Variants in THRB observed in about 807,000 individuals in gnomAD.
THRB encodes nuclear receptor subfamily 1 group A member 2.
THRB carries 12 observed loss-of-function variants against 47.8 expected under a neutral mutation model. The ratio of observed to expected loss-of-function variants is 0.25; its 90% CI spans 0.16 to 0.41. The LOEUF (loss-of-function observed/expected upper bound fraction) is 0.41, where lower values mean the gene tolerates loss of function less well. Among genes scored for constraint, THRB ranks in the 10% least tolerant of loss-of-function variants. THRB has a pLI of 1.00. For missense variants in THRB, 348 were observed against 589.2 expected, an observed-to-expected ratio of 0.59 and a Z score of 4.24; for synonymous variants, 218 against 212.2, an observed-to-expected ratio of 1.03 and a Z score of -0.24.
At chr3:24,356,662 C>T (rs2063694279) in intron 1 of THRB, among the ~76,000 whole-genome samples, 1 of 151,822 alleles carries the variant, frequency 6.6e-6, no homozygotes, top group Non-Finnish European at 1.5e-5. Flanking sequence ...TTACTCAGTT[C>T]CAAAGCCACT....
chr3:24,325,904 A>G (rs1342317716), intron 2 of THRB, among the ~76,000 whole-genome samples: 1 of 152,236 alleles, frequency 6.6e-6, no homozygotes, highest in Non-Finnish European at 1.5e-5. Flanking sequence ...AACAACAACA[A>G]GAGAACAAAA....
chr3:24,377,844 G>C (rs2065406555), intron 1 of THRB, among the ~76,000 whole-genome samples: 1 of 152,044 alleles, frequency 6.6e-6, no homozygotes, highest in Admixed American at 6.6e-5. Context: ...AATTCCATGA[G>C]TCTATGAAAT....
At chr3:24,406,310 C>A (rs948768813) in intron 1 of THRB, among the ~76,000 whole-genome samples, 6 of 151,378 alleles carry the variant, frequency 4.0e-5, no homozygotes, top group African/African-American at 1.5e-4. Flanking sequence ...AACTAATTAA[C>A]CTTCTATGTT....
At chr3:24,393,932 T>C (rs2066764145) in intron 1 of THRB, among the ~76,000 whole-genome samples, 1 of 152,160 alleles carries the variant, frequency 6.6e-6, no homozygotes, top group South Asian at 2.1e-4. Flanking sequence ...CCATATCTCC[T>C]TTGGTATTGA....
chr3:24,311,437 C>T (rs945672792), intron 2 of THRB, among the ~76,000 whole-genome samples: 1 of 152,200 alleles, frequency 6.6e-6, no homozygotes, highest in Non-Finnish European at 1.5e-5. Flanking sequence ...CTTTCATAGA[C>T]TCTTCCAACC....
At chr3:24,359,632 AC>A (rs201884951) in intron 1 of THRB, among the ~76,000 whole-genome samples, 2,022 of 152,214 alleles carry the variant, frequency 0.013, 20 homozygotes, top group South Asian at 0.033. Context: ...ACAACTCTAG[AC>A]TTTTCTACAA....
In THRB at chr3:24,194,846, A is replaced by G. The variant is rs145582930; in HGVS notation, c.23-4512T>C. On this transcript the variant is annotated intron_variant, in intron 4 of 10. Transcript: ENST00000646209. ...CGAGCTGATACCTTAGAAAAGAGCTAAAGCAAAGGAAATAGGATTATGACA... is the reference window on the plus strand; with the variant it reads ...CGAGCTGATACCTTAGAAAAGAGCTGAAGCAAAGGAAATAGGATTATGACA... Among the ~76,000 whole-genome samples the G allele has an allele frequency of 5.3e-5, 8 of 152,362 alleles. No homozygotes were observed. The East Asian group carries it at 1.5e-3, about 29-fold the overall frequency.
At chr3:24,305,059 C>T (rs1433951254) in intron 2 of THRB, among the ~76,000 whole-genome samples, 1 of 152,142 alleles carries the variant, frequency 6.6e-6, no homozygotes, top group Non-Finnish European at 1.5e-5. Context: ...TTCCATTTAA[C>T]TCTTAAAGAA....
intron 3 of THRB, among the ~76,000 whole-genome samples, chr3:24,292,310 A>G (rs1269306577): frequency 1.3e-5 from 2 of 152,128 alleles, no homozygotes; most frequent in African/African-American, 2.4e-5. Flanking sequence ...TGTTATTACT[A>G]TTTTTACCAT....
chr3:24,185,461 T>C (rs1002157819), intron 5 of THRB, among the ~76,000 whole-genome samples: 2 of 152,338 alleles, frequency 1.3e-5, no homozygotes, highest in South Asian at 4.1e-4. Context: ...TTTTCTACCA[T>C]GAACATATAT....
chr3:24,325,042 T>C (rs1468637299), intron 2 of THRB, among the ~76,000 whole-genome samples: 1 of 152,226 alleles, frequency 6.6e-6, no homozygotes, highest in Non-Finnish European at 1.5e-5. Flanking sequence ...CTTCAGACTG[T>C]GTATTAAATT....
chr3:24,207,619 T>C (rs1299680656), intron 4 of THRB, among the ~76,000 whole-genome samples: 1 of 152,136 alleles, frequency 6.6e-6, no homozygotes, highest in Admixed American at 6.6e-5. Context: ...CTCCCCATTT[T>C]TCCTTCCTAT....
rs1213686054 is a variant in THRB at position 24,354,361 on chromosome 3, C to A, written c.-260-16990G>T. ...TATGTAACAAATCTGAACTTGTACC[C>A]TTGAACTTAAGATAAAAGTTAAAAA... On this transcript the variant is annotated intron_variant, in intron 1 of 10. Coordinates refer to ENST00000646209, the MANE Select transcript of THRB (RefSeq NM_001354712.2). 2.6e-5 allele frequency among the ~76,000 whole-genome samples: 4 copies of A among 152,092 alleles called. No individual in the cohort carries two copies. In the East Asian group the frequency reaches 5.8e-4, roughly 22 times the overall value.
intron 2 of THRB, among the ~76,000 whole-genome samples, chr3:24,299,030 G>A (rs955214205): frequency 1.3e-5 from 2 of 151,816 alleles, no homozygotes; most frequent in African/African-American, 2.4e-5. Context: ...GGCGGATCAC[G>A]AGGTCAGGAG....
At chr3:24,154,957 T>C (rs1166030502) in intron 5 of THRB, among the ~76,000 whole-genome samples, 1 of 152,200 alleles carries the variant, frequency 6.6e-6, no homozygotes, top group African/African-American at 2.4e-5. Flanking sequence ...TTGTGGGACA[T>C]GACTTGGGAG....
At chr3:24,316,276 G>A (rs534083624) in intron 2 of THRB, among the ~76,000 whole-genome samples, 8 of 152,116 alleles carry the variant, frequency 5.3e-5, no homozygotes, top group Admixed American at 1.3e-4. Flanking sequence ...ACTTCTAAAA[G>A]CCTGAATCAT....
chr3:24,473,353 G>A (rs760131083), intron 1 of THRB, among the ~76,000 whole-genome samples: 3 of 152,142 alleles, frequency 2.0e-5, no homozygotes, highest in Non-Finnish European at 4.4e-5. Context: ...GTGATGATGA[G>A]CTTTTTTTCA....
chr3:24,270,996 T>C (rs924321736), intron 3 of THRB, among the ~76,000 whole-genome samples: 4 of 152,198 alleles, frequency 2.6e-5, no homozygotes, highest in Admixed American at 2.0e-4. Context: ...TTGGATGCTC[T>C]GGTCTAACAA....
At chr3:24,159,855 T>C (rs768848970) in intron 5 of THRB, among the ~76,000 whole-genome samples, 9 of 151,934 alleles carry the variant, frequency 5.9e-5, no homozygotes, top group Non-Finnish European at 7.4e-5. Context: ...CAACAAAGAA[T>C]TATATGGCCC....
Sources: gnomAD v4.1 joint callset for allele counts (sites outside exome capture counted in the v4.1 genomes callset) on GRCh38, gnomAD v4.1.1 for gene constraint, MANE v1.5 for transcripts, NCBI Gene and HGNC (gene_info 2026-07-23, HGNC 2026-07-21) for gene names.